The following KCNH7 variants were observed in gnomAD, a reference collection of about 807,000 sequenced individuals.
KCNH7 encodes the protein voltage-gated inwardly rectifying potassium channel KCNH7.
In KCNH7, 49 loss-of-function variants were observed where a neutral mutation model predicts 120.8. That is an observed-to-expected ratio of 0.41 (90% CI 0.32 to 0.51). KCNH7 has a LOEUF of 0.51. Among genes scored for constraint, KCNH7 ranks in the 20% least tolerant of loss-of-function variants. The pLI is 0.38. For synonymous variants in KCNH7, 547 were observed against 516.1 expected, an observed-to-expected ratio of 1.06 and a Z score of -0.81; for missense variants, 1,097 against 1,446.6, an observed-to-expected ratio of 0.76 and a Z score of 3.92.
intron 2 of KCNH7, among the ~76,000 whole-genome samples, chr2:162,574,723 T>G (rs1415020709): frequency 6.6e-6 from 1 of 152,038 alleles, no homozygotes; most frequent in Non-Finnish European, 1.5e-5. Context: ...GAGCTCATCG[T>G]GCCAGACTAC....
At chr2:162,474,485 C>T (rs1188426639) in intron 6 of KCNH7, among the ~76,000 whole-genome samples, 1 of 152,156 alleles carries the variant, frequency 6.6e-6, no homozygotes, top group African/African-American at 2.4e-5. Flanking sequence ...AAGGCTGATG[C>T]CTTGAATTAA....
At chr2:162,723,058 G>A (rs906401162) in intron 2 of KCNH7, among the ~76,000 whole-genome samples, 6 of 150,280 alleles carry the variant, frequency 4.0e-5, no homozygotes, top group Non-Finnish European at 7.4e-5. Context: ...CTTTATGGAA[G>A]ATATTTTAAT....
chr2:162,625,758 G>A (rs948524602), intron 2 of KCNH7, among the ~76,000 whole-genome samples: 2 of 152,058 alleles, frequency 1.3e-5, no homozygotes, highest in Non-Finnish European at 2.9e-5. Flanking sequence ...ATTTACATTG[G>A]AAAGGTAGAA....
chr2:162,577,866 G>C (rs1196980331), intron 2 of KCNH7, among the ~76,000 whole-genome samples: 1 of 151,974 alleles, frequency 6.6e-6, no homozygotes, highest in African/African-American at 2.4e-5. Context: ...TTAAATGAAT[G>C]AAAACTATTT....
intron 6 of KCNH7, among the ~76,000 whole-genome samples, chr2:162,496,586 T>C (rs991068775): frequency 2.1e-4 from 32 of 152,108 alleles, no homozygotes; most frequent in African/African-American, 7.2e-4. Flanking sequence ...TCTACTCCAC[T>C]CATTCTTTGA....
At chr2:162,698,670 G>A (rs999474626) in intron 2 of KCNH7, among the ~76,000 whole-genome samples, 3 of 151,926 alleles carry the variant, frequency 2.0e-5, no homozygotes, top group Non-Finnish European at 4.4e-5. Context: ...TTACTTAGAG[G>A]AAAAATTACT....
At chr2:162,799,963 C>G (rs1573902520) in intron 2 of KCNH7, among the ~76,000 whole-genome samples, 1 of 143,750 alleles carries the variant, frequency 7.0e-6, no homozygotes, top group Admixed American at 6.8e-5. Flanking sequence ...CACACACACA[C>G]ACACACACAC....
At chr2:162,836,495 A>G in intron 2 of KCNH7, 42 bp downstream of exon 2, 1 of 1,506,026 alleles carries the variant, frequency 6.6e-7, no homozygotes, top group South Asian at 1.2e-5. Context: ...ATTTCTTTTC[A>G]ATGGGATCAA....
At chr2:162,802,829 C>T (rs1004771419) in intron 2 of KCNH7, among the ~76,000 whole-genome samples, 5 of 151,750 alleles carry the variant, frequency 3.3e-5, no homozygotes, top group African/African-American at 1.2e-4. Flanking sequence ...ATTAAGATGT[C>T]TAAGAAAAAT....
rs536253352 is a variant in KCNH7, at chr2:162,415,148, T to A, written c.2154+8188A>T. Among the ~76,000 whole-genome samples the A allele has an allele frequency of 3.3e-3, 476 of 145,148 alleles. 1 individual carries two copies. The highest frequency in any genetic ancestry group is 7.5e-3 in the Admixed American group (108 of 14,470). The stretch of plus-strand genomic sequence containing the variant: ...CCACTCTCCTGATTTGTCCTTTTTT[T>A]AAAAAAAAAAACAAAAAACAAAAAA... On this transcript the variant is annotated intron_variant, in intron 9 of 15. Coordinates refer to ENST00000332142, the MANE Select transcript of KCNH7 (RefSeq NM_033272.4).
chr2:162,537,416 T>C (rs890382351), intron 2 of KCNH7, among the ~76,000 whole-genome samples: 2 of 152,042 alleles, frequency 1.3e-5, no homozygotes, highest in African/African-American at 4.8e-5. Context: ...CTTACCATTT[T>C]CTTATAAATT....
At chr2:162,385,554 G>T (rs781015595) in intron 12 of KCNH7, among the ~76,000 whole-genome samples, 5 of 151,892 alleles carry the variant, frequency 3.3e-5, no homozygotes, top group Non-Finnish European at 7.4e-5. Flanking sequence ...ATTAAAGCTG[G>T]TAGTGCATAT....
rs1051715763 is a variant in KCNH7 at position 162,648,661 on chromosome 2, G to C, written c.308-111581C>G. Among the ~76,000 whole-genome samples the C allele has an allele frequency of 5.3e-5, 8 of 152,006 alleles. 1 individual carries two copies. Among genetic ancestry groups the C allele is most frequent in the Admixed American group, 4.6e-4 (7 of 15,240 alleles). ...TCCATATCTTACTTTTTAAGTCAGGGGTCGACAAACTGTGGCCCAGAGCCA... is the reference window on the plus strand; with the variant it reads ...TCCATATCTTACTTTTTAAGTCAGGCGTCGACAAACTGTGGCCCAGAGCCA... On this transcript the variant is annotated intron_variant, in intron 2 of 15. Transcript: ENST00000332142.
At chr2:162,483,607 C>T (rs1689999655) in intron 6 of KCNH7, among the ~76,000 whole-genome samples, 2 of 151,744 alleles carry the variant, frequency 1.3e-5, no homozygotes, top group Admixed American at 6.6e-5. Flanking sequence ...ACATTTGAAC[C>T]TGTTGGCACA....
intron 2 of KCNH7, among the ~76,000 whole-genome samples, chr2:162,768,456 AT>A (rs1682911505): frequency 6.6e-6 from 1 of 152,112 alleles, no homozygotes; most frequent in Admixed American, 6.6e-5. Flanking sequence ...CTTCCATCCA[AT>A]TCAACACCAA....
intron 8 of KCNH7, among the ~76,000 whole-genome samples, chr2:162,429,915 C>A (rs1162967532): frequency 1.3e-5 from 2 of 148,248 alleles, no homozygotes; most frequent in African/African-American, 5.0e-5. Flanking sequence ...TTTGTAAATT[C>A]TGGTCCCATT....
intron 2 of KCNH7, among the ~76,000 whole-genome samples, chr2:162,781,962 GA>G (rs956243138): frequency 6.6e-6 from 1 of 152,136 alleles, no homozygotes; most frequent in African/African-American, 2.4e-5. Flanking sequence ...AAATCACGAT[GA>G]AAAACTGACT....
intron 2 of KCNH7, among the ~76,000 whole-genome samples, chr2:162,575,906 A>G (rs2105907377): frequency 6.6e-6 from 1 of 152,218 alleles, no homozygotes; most frequent in Middle Eastern, 3.4e-3. Context: ...ATTAAACCAA[A>G]CAGTTTATTA....
At chr2:162,375,584 A>G (rs903092317) in intron 14 of KCNH7, among the ~76,000 whole-genome samples, 4 of 152,222 alleles carry the variant, frequency 2.6e-5, no homozygotes, top group Admixed American at 2.6e-4. Flanking sequence ...TTTTATATGC[A>G]TAGGGTTGTA....
Sources: gnomAD v4.1 joint callset for allele counts (sites outside exome capture counted in the v4.1 genomes callset) on GRCh38, gnomAD v4.1.1 for gene constraint, MANE v1.5 for transcripts, NCBI Gene and HGNC (gene_info 2026-07-23, HGNC 2026-07-21) for gene names.